Variants in CARD8 observed in about 807,000 individuals in gnomAD.
The protein encoded by CARD8 is caspase recruitment domain-containing protein 8.
In CARD8, 38 loss-of-function variants were observed where a neutral mutation model predicts 53.2. The ratio of observed to expected loss-of-function variants is 0.71; its 90% CI spans 0.55 to 0.94. The LOEUF is 0.94. CARD8 is among the 40% of genes least tolerant of loss of function. The pLI is 0.00. For synonymous variants in CARD8, 245 were observed against 244.9 expected (o/e 1.00, Z 0.00); for missense variants, 561 against 655.5 (o/e 0.86, Z 1.57).
At chr19:48,222,855 A>G (rs775971037) in intron 10 of CARD8, among the ~76,000 whole-genome samples, 108 of 152,370 alleles carry the variant, frequency 7.1e-4, no homozygotes, top group Non-Finnish European at 1.3e-3. Context: ...TGATATTATT[A>G]GTCCAGCTGA....
intron 8 of CARD8, 75 bp downstream of exon 8, chr19:48,231,585 G>A: frequency 4.1e-6 from 6 of 1,447,018 alleles, no homozygotes; most frequent in Middle Eastern, 1.8e-4. Flanking sequence ...TTACAGGCCT[G>A]AGCCACCACG....
At chr19:48,237,339 A>G (rs1409091492) in intron 5 of CARD8, among the ~76,000 whole-genome samples, 2 of 151,984 alleles carry the variant, frequency 1.3e-5, no homozygotes, top group African/African-American at 2.4e-5. Flanking sequence ...ATGAACTCAG[A>G]GTAAGAAGCC....
At chr19:48,231,894 G>C in intron 7 of CARD8, 84 bp from the exon 8 acceptor site, 1 of 1,180,106 alleles carries the variant, frequency 8.5e-7, no homozygotes, top group Non-Finnish European at 1.3e-6. Context: ...GAATTGCACA[G>C]GTGCTGTTGG....
chr19:48,234,311 T>TTCTC (rs1428819447), intron 6 of CARD8, 92 bp downstream of exon 6: 38 of 1,357,906 alleles, frequency 2.8e-5, no homozygotes, highest in Non-Finnish European at 3.8e-5. Flanking sequence ...CTGAGTTCGA[T>TTCTC]GAAAAACACC....
At chr19:48,234,627 T>G (rs2043539417) in intron 5 of CARD8, 84 bp from the exon 6 acceptor site, 1 of 1,240,142 alleles carries the variant, frequency 8.1e-7, no homozygotes, top group South Asian at 1.4e-5. Flanking sequence ...GATTTTATGT[T>G]AATAGCCATA....
chr19:48,233,631 G>A (rs1372478321), intron 6 of CARD8: 4 of 310,296 alleles, frequency 1.3e-5, no homozygotes, highest in Non-Finnish European at 2.5e-5. Context: ...TCTGCCTGCT[G>A]AGGAGGGGTT....
intron 3 of CARD8, among the ~76,000 whole-genome samples, chr19:48,248,331 A>G (rs1004450408): frequency 6.6e-6 from 1 of 152,154 alleles, no homozygotes; most frequent in Non-Finnish European, 1.5e-5. Flanking sequence ...TCTGTGCCAC[A>G]CAGCGAAGCC....
chr19:48,225,098 G>A (rs1285813376), intron 10 of CARD8, among the ~76,000 whole-genome samples: 1 of 151,154 alleles, frequency 6.6e-6, no homozygotes, highest in Non-Finnish European at 1.5e-5. Flanking sequence ...AAATGGTCCT[G>A]CCCATGATAT....
chr19:48,230,734 C>T lies in CARD8; in HGVS notation c.773-34G>A, dbSNP rs377425345. The T allele has an allele frequency of 3.0e-5, 48 of 1,612,764 alleles. 1 individual carries two copies. In the African/African-American group the frequency reaches 4.3e-4, roughly 14 times the overall value. On this transcript the variant is annotated intron_variant, in intron 9 of 13. Coordinates refer to ENST00000651546, the MANE Select transcript of CARD8 (RefSeq NM_001184900.3). Reference sequence around the variant, plus strand: ...GAACCACAACAGCAGTGAGACGGCACGCACCCCAGCGGCCCCCACAGCCTC... The same window carrying T: ...GAACCACAACAGCAGTGAGACGGCATGCACCCCAGCGGCCCCCACAGCCTC...
chr19:48,230,561 C>T lies in CARD8; in HGVS notation c.912G>A (p.Arg304=). Residue 304 remains arginine (R), a synonymous_variant, in exon 10 of 14, where the codon CGG becomes CGA. Transcript: ENST00000651546. ...PSFSLMGILL[R]IASGTRLSIP... ...TGGAGAGGCGAGTCCCACTGGCGAT[C>T]CGCAGCAGGATGCCCATCAGAGAGA... 6.2e-7 allele frequency: 1 copy of T among 1,614,148 alleles called. No homozygotes were observed. Among genetic ancestry groups the T allele is most frequent in the Non-Finnish European group, 8.5e-7 (1 of 1,180,034 alleles).
intron 3 of CARD8, among the ~76,000 whole-genome samples, chr19:48,243,739 T>C (rs1232419168): frequency 1.3e-5 from 2 of 152,214 alleles, no homozygotes; most frequent in Non-Finnish European, 2.9e-5. Context: ...TAGTCCCAGC[T>C]ACTCAGGAGG....
At chr19:48,226,511 C>T (rs2041820056) in intron 10 of CARD8, among the ~76,000 whole-genome samples, 1 of 152,188 alleles carries the variant, frequency 6.6e-6, no homozygotes, top group Non-Finnish European at 1.5e-5. Context: ...AGGCATGAGC[C>T]ACCATGCCCA....
At chr19:48,234,175 T>C (rs927696598) in intron 6 of CARD8, 3 of 479,050 alleles carry the variant, frequency 6.3e-6, no homozygotes, top group African/African-American at 2.0e-5. Flanking sequence ...TTCGATTGCA[T>C]TGCTCATTGC....
intron 3 of CARD8, among the ~76,000 whole-genome samples, chr19:48,242,955 TAA>T (rs1460818159): frequency 6.6e-6 from 1 of 152,216 alleles, no homozygotes; most frequent in Non-Finnish European, 1.5e-5. Flanking sequence ...TGTAAAGTGA[TAA>T]GTTATTGTGA....
rs376214677 is a variant in CARD8 at position 48,228,113 on chromosome 19, C to T, written c.1035+2325G>A. On this transcript the variant is annotated intron_variant, in intron 10 of 13. Coordinates refer to ENST00000651546, the MANE Select transcript of CARD8 (RefSeq NM_001184900.3). The stretch of plus-strand genomic sequence containing the variant: ...CCATGCAAGGGATCTAGGTTGCACG[C>T]CCTTTATGAGAATCTAATGCCTGAT... 5.3e-5 allele frequency among the ~76,000 whole-genome samples: 8 copies of T among 152,336 alleles called. 1 individual carries two copies. The East Asian group carries it at 1.2e-3, about 22-fold the overall frequency.
At chr19:48,229,179 T>C (rs1418108262) in intron 10 of CARD8, among the ~76,000 whole-genome samples, 1 of 151,944 alleles carries the variant, frequency 6.6e-6, no homozygotes, top group Admixed American at 6.6e-5. Flanking sequence ...ACAAGGAGGC[T>C]TCTTGGGTTT....
In CARD8 at chr19:48,247,430, T is replaced by C. The variant is rs2046300437; in HGVS notation, c.-44+2093A>G. 2.0e-5 allele frequency among the ~76,000 whole-genome samples: 3 copies of C among 152,156 alleles called. No homozygotes were observed. The South Asian group carries it at 6.2e-4, about 32-fold the overall frequency. On this transcript the variant is annotated intron_variant, in intron 3 of 13. Transcript: ENST00000651546. ...TGATACATCCGATGATGAAATAATATGCAATTTTAAAAGAATGTCAAAGTT... is the reference window on the plus strand; with the variant it reads ...TGATACATCCGATGATGAAATAATACGCAATTTTAAAAGAATGTCAAAGTT...
intron 4 of CARD8, 125 bp from the exon 5 acceptor site, chr19:48,238,657 C>T (rs1429812923): frequency 1.1e-5 from 9 of 845,402 alleles, no homozygotes; most frequent in Non-Finnish European, 1.6e-5. Flanking sequence ...TAGACATGCC[C>T]ATCCATAGAG....
At chr19:48,215,934 G>GC (rs1315444548) in intron 12 of CARD8, among the ~76,000 whole-genome samples, 18 of 151,452 alleles carry the variant, frequency 1.2e-4, no homozygotes, top group Admixed American at 4.6e-4. Context: ...TTTGCAACAT[G>GC]CCCCCCCCAC....
Sources: gnomAD v4.1 joint callset for allele counts (sites outside exome capture counted in the v4.1 genomes callset) on GRCh38, gnomAD v4.1.1 for gene constraint, MANE v1.5 for transcripts, NCBI Gene and HGNC (gene_info 2026-07-23, HGNC 2026-07-21) for gene names.